Variants in CNTNAP5 observed in about 807,000 individuals in gnomAD.
CNTNAP5 encodes the protein contactin associated protein family member 5.
In CNTNAP5, 72 loss-of-function variants were observed where a neutral mutation model predicts 150.2. The observed-to-expected ratio is 0.48, with a 90% CI of 0.40 to 0.58. The LOEUF (loss-of-function observed/expected upper bound fraction) is 0.58, where lower values mean the gene tolerates loss of function less well. Ranked by LOEUF, CNTNAP5 falls within the 20% of genes least tolerant of loss-of-function variation. The pLI is 0.00. For missense variants in CNTNAP5, 1,636 were observed against 1,626.2 expected, an observed-to-expected ratio of 1.01 and a Z score of -0.10; for synonymous variants, 672 against 619.8, an observed-to-expected ratio of 1.08 and a Z score of -1.25.
rs568103034 is a variant in CNTNAP5, at chr2:124,836,365, G to A, written c.3218-28941G>A. Among the ~76,000 whole-genome samples, 8 of 152,180 alleles carry A rather than the reference G, an allele frequency of 5.3e-5. No homozygotes were observed. In the East Asian group the frequency reaches 1.5e-3, roughly 29 times the overall value. On this transcript the variant is annotated intron_variant, in intron 19 of 23. Coordinates refer to ENST00000682447, the MANE Select transcript of CNTNAP5 (RefSeq NM_001367498.1). ...CATAATGTCATCTAAAAATATAAGT[G>A]GTCTCTAAAATGAAATTGTTCCTGC...
At chr2:124,735,093 G>A (rs944853857) in intron 13 of CNTNAP5, among the ~76,000 whole-genome samples, 1 of 152,128 alleles carries the variant, frequency 6.6e-6, no homozygotes, top group Non-Finnish European at 1.5e-5. Context: ...ACAGCTTTGG[G>A]CAGAGAATTC....
intron 13 of CNTNAP5, among the ~76,000 whole-genome samples, chr2:124,655,257 T>G (rs1678418131): frequency 6.6e-6 from 1 of 152,120 alleles, no homozygotes; most frequent in Non-Finnish European, 1.5e-5. Context: ...TGGTTTTCTG[T>G]TCTTGTGTTA....
intron 17 of CNTNAP5, among the ~76,000 whole-genome samples, chr2:124,787,934 G>T (rs1027954433): frequency 1.8e-4 from 27 of 152,310 alleles, no homozygotes; most frequent in African/African-American, 5.5e-4. Flanking sequence ...TCAGATGAGA[G>T]ATCCTAAGGG....
At chr2:124,889,080 T>TTTAGC (rs1290506035) in intron 21 of CNTNAP5, among the ~76,000 whole-genome samples, 2 of 98,630 alleles carry the variant, frequency 2.0e-5, no homozygotes, top group African/African-American at 8.0e-5. Flanking sequence ...AGGTCTAGCT[T>TTTAGC]TTTTTTTTTT....
chr2:124,241,680 C>A (rs553460977), intron 2 of CNTNAP5, among the ~76,000 whole-genome samples: 1 of 152,132 alleles, frequency 6.6e-6, no homozygotes, highest in Non-Finnish European at 1.5e-5. Context: ...TAGTCGGTGT[C>A]CTTTCATCTT....
chr2:124,358,099 C>T (rs189882246), intron 3 of CNTNAP5, among the ~76,000 whole-genome samples: 2 of 152,308 alleles, frequency 1.3e-5, no homozygotes, highest in African/African-American at 4.8e-5. Flanking sequence ...CATGGTTTGG[C>T]TCTCTGTCTG....
At chr2:124,306,558 C>T (rs1688695272) in intron 3 of CNTNAP5, among the ~76,000 whole-genome samples, 1 of 152,100 alleles carries the variant, frequency 6.6e-6, no homozygotes, top group Non-Finnish European at 1.5e-5. Context: ...CTGCTTCACA[C>T]AGATGGCATG....
chr2:124,629,947 A>AAAAAAAAC (rs1677813475), intron 12 of CNTNAP5, among the ~76,000 whole-genome samples: 1 of 150,028 alleles, frequency 6.7e-6, no homozygotes, highest in Admixed American at 6.7e-5. Flanking sequence ...AAAAAAAAAA[A>AAAAAAAAC]AAAAAAAACT....
chr2:124,515,287 C>T (rs545878109), intron 8 of CNTNAP5, among the ~76,000 whole-genome samples: 9 of 152,216 alleles, frequency 5.9e-5, no homozygotes, highest in East Asian at 1.9e-4. Flanking sequence ...TGGGGCAGAG[C>T]GGGGGGTGTC....
At chr2:124,834,359 G>A (rs939655755) in intron 19 of CNTNAP5, among the ~76,000 whole-genome samples, 2 of 145,518 alleles carry the variant, frequency 1.4e-5, no homozygotes, top group African/African-American at 5.2e-5. Context: ...TTAGACAATT[G>A]ATTCTGTTAT....
intron 8 of CNTNAP5, among the ~76,000 whole-genome samples, chr2:124,521,821 C>T (rs1462971357): frequency 2.0e-5 from 3 of 152,046 alleles, no homozygotes; most frequent in Non-Finnish European, 2.9e-5. Flanking sequence ...CCCCAAATAC[C>T]CCTGAAAGAA....
intron 7 of CNTNAP5, among the ~76,000 whole-genome samples, chr2:124,478,582 C>T (rs994254370): frequency 2.6e-5 from 4 of 152,092 alleles, no homozygotes; most frequent in East Asian, 1.9e-4. Context: ...GAATTTCTTA[C>T]GAGAAGCAAT....
At chr2:124,169,556 T>A (rs1919846) in intron 1 of CNTNAP5, among the ~76,000 whole-genome samples, 147,341 of 152,122 alleles carry the variant, frequency 0.97, 71,531 homozygotes, top group East Asian at 1. Flanking sequence ...TGTGATTCAT[T>A]TTTAGAAAAG....
intron 16 of CNTNAP5, among the ~76,000 whole-genome samples, chr2:124,770,113 T>C (rs1022098977): frequency 8.5e-5 from 13 of 152,232 alleles, no homozygotes; most frequent in African/African-American, 3.1e-4. Context: ...AGGACCCTAA[T>C]AACTTGGTAT....
chr2:124,313,146 C>T (rs1415872976), intron 3 of CNTNAP5, among the ~76,000 whole-genome samples: 1 of 152,160 alleles, frequency 6.6e-6, no homozygotes, highest in African/African-American at 2.4e-5. Context: ...GTGCCATCAT[C>T]GATATGTAAC....
At chr2:124,341,350 A>G (rs1044347052) in intron 3 of CNTNAP5, among the ~76,000 whole-genome samples, 1 of 152,118 alleles carries the variant, frequency 6.6e-6, no homozygotes, top group Non-Finnish European at 1.5e-5. Context: ...CATTTTCTTT[A>G]GTTCAAAGCA....
intron 11 of CNTNAP5, among the ~76,000 whole-genome samples, chr2:124,593,032 C>A (rs1052496671): frequency 2.3e-4 from 35 of 151,322 alleles, no homozygotes; most frequent in African/African-American, 7.5e-4. Flanking sequence ...GTTAGTAATA[C>A]TTTTGCTGCT....
intron 3 of CNTNAP5, among the ~76,000 whole-genome samples, chr2:124,296,372 GC>G (rs1158157121): frequency 6.6e-6 from 1 of 152,204 alleles, no homozygotes; most frequent in Non-Finnish European, 1.5e-5. Flanking sequence ...GCTCTTAACT[GC>G]CCGCAAATGG....
At chr2:124,473,524 T>TA (rs561442197) in intron 6 of CNTNAP5, among the ~76,000 whole-genome samples, 7 of 152,082 alleles carry the variant, frequency 4.6e-5, no homozygotes, top group Non-Finnish European at 4.4e-5. Flanking sequence ...GTGAAGCTTG[T>TA]AAAAAAATCT....
Sources: gnomAD v4.1 joint callset for allele counts (sites outside exome capture counted in the v4.1 genomes callset) on GRCh38, gnomAD v4.1.1 for gene constraint, MANE v1.5 for transcripts, NCBI Gene and HGNC (gene_info 2026-07-23, HGNC 2026-07-21) for gene names.